CDH4: variants seen among roughly 807,000 people sequenced by gnomAD.
CDH4 encodes cadherin 4.
Under a neutral mutation model 86.0 loss-of-function variants are expected in CDH4, and 33 were observed. The observed-to-expected ratio is 0.38, with a 90% CI of 0.29 to 0.51. CDH4 has a LOEUF of 0.51. CDH4 is among the 20% of genes least tolerant of loss of function. The pLI, the probability that CDH4 is intolerant of heterozygous loss-of-function variation, is 0.86. For synonymous variants in CDH4, 555 were observed against 549.4 expected, an observed-to-expected ratio of 1.01 and a Z score of -0.14; for missense variants, 1,114 against 1,307.4, an observed-to-expected ratio of 0.85 and a Z score of 2.28.
chr20:61,295,072 A>G (rs985857595), intron 2 of CDH4, among the ~76,000 whole-genome samples: 8 of 152,238 alleles, frequency 5.3e-5, no homozygotes, highest in African/African-American at 1.7e-4. Flanking sequence ...GCCTTTGGGG[A>G]TGACTTTGTC....
intron 2 of CDH4, among the ~76,000 whole-genome samples, chr20:61,452,502 T>C (rs533263104): frequency 9.8e-5 from 15 of 152,342 alleles, no homozygotes; most frequent in South Asian, 4.1e-4. Flanking sequence ...GTGTGAATAA[T>C]GCATTCTGGG....
chr20:61,905,797 A>G lies in CDH4; in HGVS notation c.1189-4625A>G, dbSNP rs533679588. ...CCAGGAAAGTGGATATCTGGAAAAT[A>G]AGGAAGGGAATTCAGAAGGTGCAGG... On this transcript the variant is annotated intron_variant, in intron 8 of 15. Transcript: ENST00000614565. 9.2e-5 allele frequency among the ~76,000 whole-genome samples: 14 copies of G among 152,250 alleles called. No homozygotes were observed. The South Asian group carries it at 2.7e-3, about 29-fold the overall frequency.
chr20:61,736,541 G>T (rs2088265325), intron 2 of CDH4, among the ~76,000 whole-genome samples: 1 of 152,076 alleles, frequency 6.6e-6, no homozygotes, highest in Non-Finnish European at 1.5e-5. Context: ...CAGTCTCTGT[G>T]TCTGGTGTCT....
intron 4 of CDH4, among the ~76,000 whole-genome samples, chr20:61,778,491 T>C (rs190780126): frequency 1.8e-4 from 28 of 151,984 alleles, no homozygotes; most frequent in Admixed American, 1.4e-3. Context: ...CAGAGGGAAA[T>C]AGGTAACCTA....
chr20:61,351,101 C>T (rs144934488), intron 2 of CDH4, among the ~76,000 whole-genome samples: 1 of 152,256 alleles, frequency 6.6e-6, no homozygotes, highest in African/African-American at 2.4e-5. Flanking sequence ...AGCCCGTGCT[C>T]AAGGCCTGCT....
intron 2 of CDH4, among the ~76,000 whole-genome samples, chr20:61,340,012 G>A (rs917731924): frequency 1.3e-5 from 2 of 152,210 alleles, no homozygotes; most frequent in South Asian, 2.1e-4. Context: ...AGTTTAAGAT[G>A]ATGAGTTAAT....
intron 4 of CDH4, among the ~76,000 whole-genome samples, chr20:61,820,054 C>T (rs1260653593): frequency 6.6e-6 from 1 of 152,240 alleles, no homozygotes; most frequent in East Asian, 1.9e-4. Context: ...ACTCTCCCAT[C>T]CCCTCAGCTG....
intron 8 of CDH4, among the ~76,000 whole-genome samples, chr20:61,900,815 G>T (rs1367989084): frequency 1.3e-5 from 2 of 152,228 alleles, no homozygotes; most frequent in Non-Finnish European, 2.9e-5. Context: ...CTGACCTTGG[G>T]CAAGTTGCCT....
At chr20:61,356,943 T>C (rs1303920409) in intron 2 of CDH4, among the ~76,000 whole-genome samples, 1 of 152,202 alleles carries the variant, frequency 6.6e-6, no homozygotes, top group Non-Finnish European at 1.5e-5. Flanking sequence ...AAGGAAGAGA[T>C]GGATCTCAAA....
At chr20:61,916,956 T>C (rs1343392550) in intron 9 of CDH4, among the ~76,000 whole-genome samples, 2 of 152,226 alleles carry the variant, frequency 1.3e-5, no homozygotes, top group Admixed American at 6.5e-5. Context: ...TCTGGGCTGA[T>C]GCAGTGCCCT....
intron 5 of CDH4, among the ~76,000 whole-genome samples, chr20:61,852,261 G>C (rs1011059221): frequency 2.0e-5 from 3 of 152,322 alleles, no homozygotes; most frequent in Middle Eastern, 6.8e-3. Context: ...TCCCAGCCCA[G>C]CTCTGGCCCT....
chr20:61,656,629 AGCCACTCTCCTGGG>A (rs754641516), intron 2 of CDH4, among the ~76,000 whole-genome samples: 1 of 152,158 alleles, frequency 6.6e-6, no homozygotes, highest in Non-Finnish European at 1.5e-5. Flanking sequence ...TGGGCTCCAC[AGCCACTCTCCTGGG>A]TGGGTAGATG....
rs973872305 is a variant in CDH4, at chr20:61,902,110, T to C, written c.1188+7063T>C. On this transcript the variant is annotated intron_variant, in intron 8 of 15. Coordinates refer to ENST00000614565, the MANE Select transcript of CDH4 (RefSeq NM_001794.5). This position sits in a 1 kb window ranked among gnomAD's most constrained non-coding sequence, Gnocchi z 4.6. ...GGGGCACCTTCTGGCTTCCAGCAAC[T>C]GATGGAAATTCAAACCATGACGTGT... 6.6e-6 allele frequency among the ~76,000 whole-genome samples: 1 copy of C among 152,198 alleles called. No individual in the cohort carries two copies. The highest frequency in any genetic ancestry group is 1.5e-5 in the Non-Finnish European group (1 of 68,028).
intron 8 of CDH4, among the ~76,000 whole-genome samples, chr20:61,900,959 T>C (rs1985368578): frequency 6.6e-6 from 1 of 152,152 alleles, no homozygotes. Context: ...TCGTGGCTGT[T>C]GTATGATTAA....
At chr20:61,629,503 A>G (rs755041227) in intron 2 of CDH4, among the ~76,000 whole-genome samples, 3 of 152,230 alleles carry the variant, frequency 2.0e-5, no homozygotes, top group Non-Finnish European at 2.9e-5. Context: ...TGTCCTCCAC[A>G]CTTGTCGCCC....
intron 2 of CDH4, among the ~76,000 whole-genome samples, chr20:61,362,965 C>G (rs1248945346): frequency 6.6e-6 from 1 of 152,198 alleles, no homozygotes; most frequent in South Asian, 2.1e-4. Context: ...GTCCTGTGCC[C>G]TTGTGCCGTG....
At chr20:61,745,843 G>A (rs761239993) in intron 3 of CDH4, among the ~76,000 whole-genome samples, 8 of 152,196 alleles carry the variant, frequency 5.3e-5, no homozygotes, top group Admixed American at 1.3e-4. Context: ...CAAGGCCTCC[G>A]ATAAAGGCTC....
chr20:61,647,724 TG>T (rs1172541026), intron 2 of CDH4, among the ~76,000 whole-genome samples: 2 of 152,112 alleles, frequency 1.3e-5, no homozygotes, highest in African/African-American at 2.4e-5. Flanking sequence ...TCTGTGTCTG[TG>T]GGGTGCTTGC....
intron 7 of CDH4, among the ~76,000 whole-genome samples, chr20:61,886,424 C>T (rs1282631607): frequency 6.6e-6 from 1 of 152,062 alleles, no homozygotes; most frequent in Admixed American, 6.5e-5. Flanking sequence ...CTGTGGTTTT[C>T]TTCCCTCCTC....
Sources: allele counts gnomAD v4.1 joint callset (sites outside exome capture counted in the v4.1 genomes callset), GRCh38; gene constraint gnomAD v4.1.1; non-coding constraint Gnocchi (gnomAD v3.1); transcripts MANE v1.5; gene names NCBI Gene and HGNC (gene_info 2026-07-23, HGNC 2026-07-21).